The following SUCO variants were observed in gnomAD, a reference collection of about 807,000 sequenced individuals.
The protein encoded by SUCO is SUN domain-containing ossification factor.
In SUCO, 57 loss-of-function variants were observed where a neutral mutation model predicts 148.1. The observed-to-expected ratio is 0.38, with a 90% CI of 0.31 to 0.48. SUCO has a LOEUF of 0.48. Ranked by LOEUF, SUCO falls within the 20% of genes least tolerant of loss-of-function variation. The pLI, the probability that SUCO is intolerant of heterozygous loss-of-function variation, is 0.96. For synonymous variants in SUCO, 470 were observed against 502.7 expected (o/e 0.93, Z 0.87); for missense variants, 1,331 against 1,468.2 (o/e 0.91, Z 1.53).
intron 11 of SUCO, chr1:172,577,144 T>C (rs1227724420): frequency 1.4e-5 from 4 of 293,302 alleles, no homozygotes; most frequent in Non-Finnish European, 2.0e-5. Flanking sequence ...TATATCAATA[T>C]ATAAATTCAT....
chr1:172,610,678 A>T lies in SUCO; in HGVS notation c.*419A>T, dbSNP rs1328832219. The T allele has an allele frequency of 6.4e-6, 1 of 155,422 alleles. No homozygotes were observed. Among genetic ancestry groups the T allele is most frequent in the East Asian group, 1.9e-4 (1 of 5,286 alleles). The allele number at this position is 155,422 out of a possible 1,614,324, so 9.6% of individuals were successfully genotyped here. ...AAGAGGAGGGATAACTTTTTCTGTTATTTGATTTCTTTTATAACTTTGTTA... is the reference window on the plus strand; with the variant it reads ...AAGAGGAGGGATAACTTTTTCTGTTTTTTGATTTCTTTTATAACTTTGTTA... On this transcript the variant is annotated 3_prime_UTR_variant, in exon 24 of 24. Coordinates refer to ENST00000263688, the MANE Select transcript of SUCO (RefSeq NM_014283.5).
At chr1:172,539,320 A>G (rs896499391) in intron 1 of SUCO, among the ~76,000 whole-genome samples, 2 of 152,168 alleles carry the variant, frequency 1.3e-5, no homozygotes, top group African/African-American at 4.8e-5. Context: ...AAACTTATCT[A>G]CATGTTTTAG....
At chr1:172,571,427 C>T (rs377469289) in intron 9 of SUCO, among the ~76,000 whole-genome samples, 2 of 152,148 alleles carry the variant, frequency 1.3e-5, no homozygotes, top group Admixed American at 6.5e-5. Context: ...ACCTCCCAGC[C>T]GCCTGCCTTG....
chr1:172,567,290 C>T (rs1654619636), intron 6 of SUCO, among the ~76,000 whole-genome samples: 1 of 152,114 alleles, frequency 6.6e-6, no homozygotes, highest in Non-Finnish European at 1.5e-5. Flanking sequence ...TTAGTGAACA[C>T]ATCAAAACTT....
intron 9 of SUCO, among the ~76,000 whole-genome samples, chr1:172,572,017 C>T (rs186336371): frequency 8.3e-4 from 6 of 7,186 alleles, no homozygotes; most frequent in Middle Eastern, 0.056. Context: ...CCGCCCCGTC[C>T]GGGAGGGAGG....
chr1:172,581,384 T>G (rs943407548), intron 15 of SUCO, among the ~76,000 whole-genome samples: 3 of 152,086 alleles, frequency 2.0e-5, no homozygotes, highest in Non-Finnish European at 4.4e-5. Flanking sequence ...AAAATGAGAT[T>G]TAAAATGATC....
rs1469556194 is a variant in SUCO, at chr1:172,610,211, G to T, written c.3717G>T (p.Glu1239Asp). 2 of 1,610,794 alleles carry T rather than the reference G, an allele frequency of 1.2e-6. No individual in the cohort carries two copies. The highest frequency in any genetic ancestry group is 1.7e-6 in the Non-Finnish European group (2 of 1,179,014). Reference sequence around the variant, plus strand: ...ATGACATAATCAAAGGAAACAAAGAGATCACCGTGGGAACATTTGGTGTTA... The same window carrying T: ...ATGACATAATCAAAGGAAACAAAGATATCACCGTGGGAACATTTGGTGTTA... ...SLHDIIKGNK[E>D]ITVGTFGVTA... Residue 1239 changes from glutamate (E) to aspartate (D), a missense_variant, in exon 24 of 24, where the codon GAG (glutamate) becomes GAT (aspartate). Coordinates refer to ENST00000263688, the MANE Select transcript of SUCO (RefSeq NM_014283.5).
chr1:172,533,836 G>A (rs1233394709), intron 1 of SUCO, among the ~76,000 whole-genome samples: 1 of 152,174 alleles, frequency 6.6e-6, no homozygotes, highest in African/African-American at 2.4e-5. Flanking sequence ...TAAGTAAGTT[G>A]CTCCGATTTG....
chr1:172,561,298 G>A (rs1365815490), intron 6 of SUCO, among the ~76,000 whole-genome samples: 2 of 152,174 alleles, frequency 1.3e-5, no homozygotes, highest in African/African-American at 4.8e-5. Flanking sequence ...TCAGTGGGGG[G>A]AGTTCATTCC....
At chr1:172,567,325 C>T (rs1016345073) in intron 6 of SUCO, among the ~76,000 whole-genome samples, 33 of 151,734 alleles carry the variant, frequency 2.2e-4, no homozygotes, top group Admixed American at 6.5e-5. Flanking sequence ...AGAAATGATT[C>T]AATAATGGAA....
At chr1:172,595,576 C>A (rs1005165270) in intron 19 of SUCO, among the ~76,000 whole-genome samples, 18 of 152,294 alleles carry the variant, frequency 1.2e-4, no homozygotes, top group African/African-American at 4.3e-4. Flanking sequence ...GTTGAAAATT[C>A]CTTTCTTTAA....
Position 172,589,106 on chromosome 1 carries a change from C to T in SUCO, c.2005C>T (p.Pro669Ser). 6.2e-7 allele frequency: 1 copy of T among 1,613,366 alleles called. No homozygotes were observed. Among genetic ancestry groups the T allele is most frequent in the Non-Finnish European group, 8.5e-7 (1 of 1,179,624 alleles). The part of the protein sequence containing the change: ...LVLAQPPLLL[P>S]AESVDVSVLQ... ...GTTAGCTCAACCACCCTTACTACTT[C>T]CTGCGGAATCAGTAGATGTTTCAGT... The change falls in exon 18 of 24, where the codon CCT (proline) becomes TCT (serine). Residue 669 changes from proline (P) to serine (S), a missense_variant. Pro to Ser is a moderately conservative substitution (Grantham distance 74). Coordinates refer to ENST00000263688, the MANE Select transcript of SUCO (RefSeq NM_014283.5).
chr1:172,578,464 A>T, intron 14 of SUCO, 75 bp downstream of exon 14: 1 of 1,474,206 alleles, frequency 6.8e-7, no homozygotes, highest in South Asian at 1.3e-5. Flanking sequence ...ATGGGGGAGT[A>T]TAGCTTACTT....
chr1:172,542,231 A>AATTAGCCGGGCATGGTAGCGCATGCCTG (rs1371599983), intron 1 of SUCO, among the ~76,000 whole-genome samples: 1 of 151,850 alleles, frequency 6.6e-6, no homozygotes, highest in East Asian at 1.9e-4. Context: ...AAAAATAGAA[A>AATTAGCCGGGCATGGTAGCGCATGCCTG]ATTAGCCGGG....
At chr1:172,583,850 A>T (rs1310106265) in intron 15 of SUCO, among the ~76,000 whole-genome samples, 1 of 152,194 alleles carries the variant, frequency 6.6e-6, no homozygotes, top group African/African-American at 2.4e-5. Context: ...TTCTATTCCC[A>T]GTACCATTTT....
At chr1:172,593,386 A>G (rs534680662) in intron 19 of SUCO, among the ~76,000 whole-genome samples, 1 of 152,192 alleles carries the variant, frequency 6.6e-6, no homozygotes, top group Non-Finnish European at 1.5e-5. Flanking sequence ...GTTTTTGTCC[A>G]TTCAGTATGA....
Position 172,589,501 on chromosome 1 carries a change from T to G in SUCO, c.2400T>G (p.Asn800Lys). 6.2e-7 allele frequency: 1 copy of G among 1,611,958 alleles called. No individual in the cohort carries two copies. The highest frequency in any genetic ancestry group is 8.5e-7 in the Non-Finnish European group (1 of 1,179,198). Residue 800 changes from asparagine to lysine, a missense_variant, in exon 18 of 24, where the codon AAT (asparagine) becomes AAG (lysine). By Grantham distance (94) the Asn-to-Lys change is moderately conservative. This residue lies in a region of SUCO where 992 missense variants were observed against 1,093.5 expected (regional missense o/e 0.91). Coordinates refer to ENST00000263688, the MANE Select transcript of SUCO (RefSeq NM_014283.5). ...TTACCTATGAAACAAATAAAGTTAA[T>G]GAGTTAATGGATAATATTATAAAAG... Reference protein sequence around the residue: ...PSITYETNKVNELMDNIIKED... With the variant: ...PSITYETNKVKELMDNIIKED...
chr1:172,577,634 A>G (rs969464529), intron 12 of SUCO, 75 bp downstream of exon 12: 1 of 1,585,856 alleles, frequency 6.3e-7, no homozygotes, highest in African/African-American at 1.4e-5. Flanking sequence ...CTTTACAAGT[A>G]TTGATTTTGG....
At position 172,557,366 on chromosome 1, in the gene SUCO, T is replaced by C. The variant is rs374512283; in HGVS notation, c.530T>C (p.Leu177Pro). ...ACTGATTGTGATGTTGGTGAGGCCC[T>C]TGATGCTAGTGCTCCAATTGAACAA... is the stretch of plus-strand genomic sequence containing the variant. ...SETDCDVGEA[L>P]DASAPIEQPS... Residue 177 changes from leucine to proline, a missense_variant, in exon 5 of 24, where the codon CTT (leucine) becomes CCT (proline). Coordinates refer to ENST00000263688, the MANE Select transcript of SUCO (RefSeq NM_014283.5). 2.5e-6 allele frequency: 4 copies of C among 1,614,066 alleles called. No individual in the cohort carries two copies. Among genetic ancestry groups the C allele is most frequent in the Non-Finnish European group, 3.4e-6 (4 of 1,179,926 alleles).
Sources: gnomAD v4.1 joint callset for allele counts (sites outside exome capture counted in the v4.1 genomes callset) on GRCh38, gnomAD v4.1.1 for gene constraint, gnomAD v4.1.1 regional missense constraint, MANE v1.5 for transcripts, NCBI Gene and HGNC (gene_info 2026-07-23, HGNC 2026-07-21) for gene names.